CHODL: variants seen among roughly 807,000 people sequenced by gnomAD.
CHODL encodes chondrolectin, also known as transmembrane protein MT75.
In CHODL, 29 loss-of-function variants were observed where a neutral mutation model predicts 34.5. The ratio of observed to expected loss-of-function variants is 0.84; its 90% CI spans 0.63 to 1.15. CHODL has a LOEUF of 1.15. Ranked by LOEUF, CHODL falls within the 50% of genes most tolerant of loss-of-function variation. The pLI, the probability that CHODL is intolerant of heterozygous loss-of-function variation, is 0.00. For synonymous variants in CHODL, 125 were observed against 116.1 expected, an observed-to-expected ratio of 1.08 and a Z score of -0.49; for missense variants, 332 against 332.5, an observed-to-expected ratio of 1.00 and a Z score of 0.01.
At position 18,266,984 on chromosome 21, in the gene CHODL, GA is replaced by G. The variant is rs1272034048; in HGVS notation, c.*947del. 6.6e-6 allele frequency: 1 copy of G among 152,202 alleles called. No homozygotes were observed. Among genetic ancestry groups the G allele is most frequent in the Admixed American group, 6.5e-5 (1 of 15,278 alleles). The allele number at this position is 152,202 out of a possible 1,614,324, so 9.4% of individuals were successfully genotyped here. A position where few individuals can be genotyped will look rare whatever the true frequency, so the allele number is the denominator to read the frequency against. On this transcript the variant is annotated 3_prime_UTR_variant, in exon 6 of 6. Transcript: ENST00000299295. ...ACAAAGATGGTTGTTCGGGGTTTGG[GA>G]TTGACACTGGAGGCAGATAGTTGCA...
At chr21:17,923,462 G>GTTTTTT (rs71318108) in intron 1 of CHODL, among the ~76,000 whole-genome samples, 1 of 130,664 alleles carries the variant, frequency 7.7e-6, no homozygotes, top group Non-Finnish European at 1.6e-5. Context: ...TAATTCTTCA[G>GTTTTTT]TTTTTTTTTT....
intron 1 of CHODL, among the ~76,000 whole-genome samples, chr21:17,925,894 C>T (rs1286161576): frequency 6.6e-6 from 1 of 152,054 alleles, no homozygotes; most frequent in Non-Finnish European, 1.5e-5. Flanking sequence ...TTATAAGTTT[C>T]TTTGAGATGT....
At chr21:18,034,471 G>A (rs2064286241) in intron 2 of CHODL, 1 of 151,974 alleles carries the variant, frequency 6.6e-6, no homozygotes, top group Non-Finnish European at 1.5e-5. Flanking sequence ...ATTTACTGGG[G>A]AAAGTCTACA....
At chr21:18,209,347 T>C (rs1189201524) in intron 2 of CHODL, among the ~76,000 whole-genome samples, 3 of 152,126 alleles carry the variant, frequency 2.0e-5, no homozygotes, top group Non-Finnish European at 4.4e-5. Flanking sequence ...ACAGCTGATG[T>C]TCACTCAAGG....
chr21:17,949,454 T>C (rs917635176), intron 1 of CHODL, among the ~76,000 whole-genome samples: 1 of 152,156 alleles, frequency 6.6e-6, no homozygotes, highest in African/African-American at 2.4e-5. Flanking sequence ...TCAGAAATTG[T>C]TAAAGAAATA....
At chr21:18,259,502 C>T (rs1283809223) in intron 3 of CHODL, among the ~76,000 whole-genome samples, 1 of 152,104 alleles carries the variant, frequency 6.6e-6, no homozygotes, top group Non-Finnish European at 1.5e-5. Flanking sequence ...GCACATTCTG[C>T]ACATGTACCC....
chr21:18,248,763 T>C lies in CHODL; in HGVS notation c.79+3461T>C, dbSNP rs543534802. 7.3e-5 allele frequency among the ~76,000 whole-genome samples: 9 copies of C among 122,456 alleles called. No individual in the cohort carries two copies. The East Asian group carries it at 1.8e-3, about 24-fold the overall frequency. 80.3% of individuals were successfully genotyped at this position (122,456 alleles called of 152,430 possible). On this transcript the variant is annotated intron_variant, in intron 1 of 5. Transcript: ENST00000299295. ...TATGTATAATATATATGTATATATGTTATATATAATATATGTGTGTATATA... is the reference window on the plus strand; with the variant it reads ...TATGTATAATATATATGTATATATGCTATATATAATATATGTGTGTATATA...
chr21:17,960,999 A>G (rs971872388), intron 1 of CHODL, among the ~76,000 whole-genome samples: 1 of 152,146 alleles, frequency 6.6e-6, no homozygotes, highest in Non-Finnish European at 1.5e-5. Flanking sequence ...ATTCAAACTC[A>G]ACTACATTAT....
At chr21:18,265,136 C>T (rs1319429003) in intron 5 of CHODL, among the ~76,000 whole-genome samples, 1 of 150,844 alleles carries the variant, frequency 6.6e-6, no homozygotes, top group East Asian at 1.9e-4. Context: ...AACCCAAATG[C>T]CCATCAATCA....
chr21:18,102,334 T>C (rs901909018), intron 2 of CHODL, among the ~76,000 whole-genome samples: 3 of 152,218 alleles, frequency 2.0e-5, no homozygotes, highest in Non-Finnish European at 2.9e-5. Context: ...CTGTTCCCAG[T>C]AAGTTACTAC....
chr21:18,227,302 C>T (rs2073939556), intron 2 of CHODL, among the ~76,000 whole-genome samples: 1 of 152,124 alleles, frequency 6.6e-6, no homozygotes, highest in Non-Finnish European at 1.5e-5. Context: ...GTCTTAAATA[C>T]TATAGAATTT....
At chr21:17,941,580 G>A (rs1328525229) in intron 1 of CHODL, among the ~76,000 whole-genome samples, 1 of 151,286 alleles carries the variant, frequency 6.6e-6, no homozygotes, top group South Asian at 2.1e-4. Flanking sequence ...GAGGGATAAT[G>A]TTCTTATCAA....
chr21:18,142,264 A>C (rs2072812788), intron 2 of CHODL, among the ~76,000 whole-genome samples: 1 of 152,108 alleles, frequency 6.6e-6, no homozygotes, highest in African/African-American at 2.4e-5. Context: ...TTCATGAGAA[A>C]AATGTTCTCT....
intron 2 of CHODL, among the ~76,000 whole-genome samples, chr21:18,225,682 T>C (rs983448026): frequency 6.6e-6 from 1 of 152,082 alleles, no homozygotes; most frequent in Non-Finnish European, 1.5e-5. Context: ...AGAATACATA[T>C]TTATTTTTTC....
At chr21:17,937,946 A>G (rs1028778341) in intron 1 of CHODL, among the ~76,000 whole-genome samples, 10 of 152,212 alleles carry the variant, frequency 6.6e-5, no homozygotes, top group Non-Finnish European at 1.5e-4. Flanking sequence ...AGAGATCAAA[A>G]GTCTACTGGG....
intron 2 of CHODL, among the ~76,000 whole-genome samples, chr21:18,097,930 TA>T (rs757546883): frequency 6.6e-5 from 10 of 152,100 alleles, no homozygotes; most frequent in Non-Finnish European, 1.3e-4. Flanking sequence ...TGCAGTAAAT[TA>T]ATTTTTGACA....
chr21:18,147,667 A>G (rs976143725), intron 2 of CHODL, among the ~76,000 whole-genome samples: 17 of 152,244 alleles, frequency 1.1e-4, no homozygotes, highest in African/African-American at 4.1e-4. Context: ...CTTTGTAGGC[A>G]TCTGGTCTCT....
chr21:17,996,036 G>T (rs968743026), intron 1 of CHODL, among the ~76,000 whole-genome samples: 10 of 151,642 alleles, frequency 6.6e-5, no homozygotes, highest in Non-Finnish European at 7.4e-5. Context: ...TCTTGTATAT[G>T]TTATGTGGCA....
chr21:18,243,297 C>T (rs192732583), upstream of CHODL, among the ~76,000 whole-genome samples: 167 of 152,304 alleles, frequency 1.1e-3, 1 homozygote, highest in African/African-American at 3.8e-3. Flanking sequence ...TGCTCTTTGA[C>T]ATGGTTTCCG....
Sources: gnomAD v4.1 joint callset for allele counts (sites outside exome capture counted in the v4.1 genomes callset) on GRCh38, gnomAD v4.1.1 for gene constraint, MANE v1.5 for transcripts, NCBI Gene and HGNC (gene_info 2026-07-23, HGNC 2026-07-21) for gene names.